The following ZC2HC1B variants were observed in gnomAD, a reference collection of about 807,000 sequenced individuals.
ZC2HC1B encodes the protein zinc finger C2HC domain-containing protein 1B.
In ZC2HC1B, 36 loss-of-function variants were observed where a neutral mutation model predicts 31.0. The observed-to-expected ratio is 1.16, with a 90% CI of 0.89 to 1.54. ZC2HC1B has a LOEUF of 1.54. Ranked by LOEUF, ZC2HC1B falls within the 40% of genes most tolerant of loss-of-function variation. The pLI is 0.00. For synonymous variants in ZC2HC1B, 73 were observed against 88.0 expected (o/e 0.83, Z 0.95); for missense variants, 260 against 268.6 (o/e 0.97, Z 0.22).
chr6:143,900,759 CT>C (rs997720756), intron 5 of ZC2HC1B, among the ~76,000 whole-genome samples: 1 of 152,170 alleles, frequency 6.6e-6, no homozygotes, highest in Non-Finnish European at 1.5e-5. Context: ...GGAAGACAAT[CT>C]CTGTAGATAA....
Position 143,922,676 on chromosome 6 carries a change from T to C in ZC2HC1B, c.599-14973T>C, listed in dbSNP as rs996060507. On this transcript the variant is annotated intron_variant, in intron 6 of 7. Coordinates refer to ENST00000237275, the MANE Select transcript of ZC2HC1B (RefSeq NM_001013623.3). The surrounding 1 kb of genome is among the most constrained non-coding windows in gnomAD (Gnocchi z 5.0). ...CAGGATATCATTCTTTTTTTGTGGC[T>C]GAATAGTATTCCACTGAGTATATAT... Among the ~76,000 whole-genome samples the C allele has an allele frequency of 6.6e-6, 1 of 152,240 alleles. No individual in the cohort carries two copies. The highest frequency in any genetic ancestry group is 2.4e-5 in the African/African-American group (1 of 41,472).
Position 143,922,780 on chromosome 6 carries a change from A to T in ZC2HC1B, c.599-14869A>T, listed in dbSNP as rs1182618520. Among the ~76,000 whole-genome samples the T allele has an allele frequency of 6.6e-6, 1 of 152,046 alleles. No individual in the cohort carries two copies. The highest frequency in any genetic ancestry group is 2.4e-5 in the African/African-American group (1 of 41,398). ...TAATGAACATTTAGATTGATTTCATATGTTGCTATTGTGAATAGTCCTGCC... is the reference window on the plus strand; with the variant it reads ...TAATGAACATTTAGATTGATTTCATTTGTTGCTATTGTGAATAGTCCTGCC... On this transcript the variant is annotated intron_variant, in intron 6 of 7. Transcript: ENST00000237275. The surrounding 1 kb of genome is among the most constrained non-coding windows in gnomAD (Gnocchi z 5.0).
In ZC2HC1B at chr6:143,915,677, G is replaced by A. The variant is rs1025608265; in HGVS notation, c.598+12525G>A. On this transcript the variant is annotated intron_variant, in intron 6 of 7. Coordinates refer to ENST00000237275, the MANE Select transcript of ZC2HC1B (RefSeq NM_001013623.3). The surrounding 1 kb of genome is among the most constrained non-coding windows in gnomAD (Gnocchi z 5.2). The stretch of plus-strand genomic sequence containing the variant: ...GGAGATGAGGAACTTGTTGGGAACT[G>A]GATCAAAGGTTCCTCTTGTTATGTT... Among the ~76,000 whole-genome samples the A allele has an allele frequency of 2.6e-5, 4 of 152,194 alleles. No homozygotes were observed. Among genetic ancestry groups the A allele is most frequent in the Admixed American group, 1.3e-4 (2 of 15,284 alleles).
intron 6 of ZC2HC1B, among the ~76,000 whole-genome samples, chr6:143,932,526 A>G (rs1778132090): frequency 6.6e-6 from 1 of 151,796 alleles, no homozygotes; most frequent in African/African-American, 2.4e-5. Flanking sequence ...TTTCTTTATG[A>G]TATCTGTTTC....
intron 6 of ZC2HC1B, among the ~76,000 whole-genome samples, chr6:143,932,924 A>G (rs779650790): frequency 6.6e-5 from 10 of 152,168 alleles, no homozygotes; most frequent in Non-Finnish European, 1.5e-4. Context: ...TTCTAGGTCT[A>G]GCCACTCAGC....
At chr6:143,893,380 C>G (rs146885216) in intron 4 of ZC2HC1B, among the ~76,000 whole-genome samples, 7,295 of 152,168 alleles carry the variant, frequency 0.048, 262 homozygotes, top group Admixed American at 0.079. Flanking sequence ...GCCCGGCCAA[C>G]ATGGCAAAAC....
chr6:143,888,385 G>A (rs1197264052), intron 4 of ZC2HC1B, among the ~76,000 whole-genome samples: 1 of 152,014 alleles, frequency 6.6e-6, no homozygotes, highest in African/African-American at 2.4e-5. Context: ...AAGGTCCTTT[G>A]AGAGTCCATA....
chr6:143,866,533 ACTGT>A (rs1412682292), intron 1 of ZC2HC1B, among the ~76,000 whole-genome samples: 40 of 152,200 alleles, frequency 2.6e-4, no homozygotes, highest in Admixed American at 2.1e-3. Context: ...TAAGTTGAGG[ACTGT>A]CTGTTACTTT....
At chr6:143,912,443 TTTG>T (rs1317859310) in intron 6 of ZC2HC1B, among the ~76,000 whole-genome samples, 3 of 152,198 alleles carry the variant, frequency 2.0e-5, no homozygotes, top group Admixed American at 1.3e-4. Context: ...TTGGATGGGT[TTTG>T]TTGTTGTTGT....
intron 6 of ZC2HC1B, among the ~76,000 whole-genome samples, chr6:143,907,751 C>G (rs901658540): frequency 6.6e-6 from 1 of 152,160 alleles, no homozygotes; most frequent in African/African-American, 2.4e-5. Flanking sequence ...TTGGTAGTTT[C>G]TTTTGCTGTA....
At position 143,871,219 on chromosome 6, in the gene ZC2HC1B, A is replaced by G. The variant is rs1026583056; in HGVS notation, c.28+6652A>G. ...CACCAATAAGTCCAGTGTGTTTACTACTTCTTGCTCACTGGATCCAGTCAG... is the reference window on the plus strand; with the variant it reads ...CACCAATAAGTCCAGTGTGTTTACTGCTTCTTGCTCACTGGATCCAGTCAG... On this transcript the variant is annotated intron_variant, in intron 1 of 7. Coordinates refer to ENST00000237275, the MANE Select transcript of ZC2HC1B (RefSeq NM_001013623.3). The surrounding 1 kb of genome is among the most constrained non-coding windows in gnomAD (Gnocchi z 4.1). Among the ~76,000 whole-genome samples the G allele has an allele frequency of 6.6e-6, 1 of 152,098 alleles. No individual in the cohort carries two copies. The highest frequency in any genetic ancestry group is 1.5e-5 in the Non-Finnish European group (1 of 68,014).
At position 143,915,442 on chromosome 6, in the gene ZC2HC1B, T is replaced by C. The variant is rs923168336; in HGVS notation, c.598+12290T>C. Among the ~76,000 whole-genome samples, 1 of 152,074 alleles carries C rather than the reference T, an allele frequency of 6.6e-6. No individual in the cohort carries two copies. The highest frequency in any genetic ancestry group is 1.5e-5 in the Non-Finnish European group (1 of 68,008). On this transcript the variant is annotated intron_variant, in intron 6 of 7. Coordinates refer to ENST00000237275, the MANE Select transcript of ZC2HC1B (RefSeq NM_001013623.3). This position sits in a 1 kb window ranked among gnomAD's most constrained non-coding sequence, Gnocchi z 5.2. ...GACGAATACAGTAAATTGGTACCAG[T>C]AGAGTGGGGCGCTGCTGAAAAGATA...
chr6:143,901,070 C>G (rs921409348), intron 5 of ZC2HC1B, among the ~76,000 whole-genome samples: 1 of 151,516 alleles, frequency 6.6e-6, no homozygotes, highest in African/African-American at 2.4e-5. Context: ...AACCCCTGAC[C>G]TCAAGTGATC....
At chr6:143,888,210 A>G (rs559150762) in intron 4 of ZC2HC1B, among the ~76,000 whole-genome samples, 1 of 152,170 alleles carries the variant, frequency 6.6e-6, no homozygotes, top group African/African-American at 2.4e-5. Flanking sequence ...TCACTTGACC[A>G]TATGTTTGAG....
At chr6:143,888,648 G>T (rs887904550) in intron 4 of ZC2HC1B, among the ~76,000 whole-genome samples, 1 of 151,794 alleles carries the variant, frequency 6.6e-6, no homozygotes, top group African/African-American at 2.4e-5. Context: ...TATTCATTTT[G>T]ACATTATTAT....
At chr6:143,867,564 CCT>C (rs2128492796) in intron 1 of ZC2HC1B, among the ~76,000 whole-genome samples, 1 of 152,314 alleles carries the variant, frequency 6.6e-6, no homozygotes, top group Admixed American at 6.5e-5. Context: ...CTCACCCTGA[CCT>C]CTCAAGATCA....
At chr6:143,912,388 A>G (rs1777870920) in intron 6 of ZC2HC1B, among the ~76,000 whole-genome samples, 1 of 152,090 alleles carries the variant, frequency 6.6e-6, no homozygotes, top group South Asian at 2.1e-4. Context: ...CTTCTTTCTC[A>G]TCTTAGTGGG....
At chr6:143,896,307 T>C (rs1777666143) in intron 4 of ZC2HC1B, among the ~76,000 whole-genome samples, 1 of 152,172 alleles carries the variant, frequency 6.6e-6, no homozygotes, top group African/African-American at 2.4e-5. Flanking sequence ...AATGAGCAAG[T>C]GGGATTAAGG....
Position 143,886,605 on chromosome 6 carries a change from C to A in ZC2HC1B, c.211-78C>A. On this transcript the variant is annotated intron_variant, in intron 3 of 7. Coordinates refer to ENST00000237275, the MANE Select transcript of ZC2HC1B (RefSeq NM_001013623.3). The surrounding 1 kb of genome is among the most constrained non-coding windows in gnomAD (Gnocchi z 4.2). ...TTCACAGTTCTGTTTCCTGTGAATT[C>A]AAATTCCAGCTTTAAACAAAATTGT... 7.6e-7 allele frequency: 1 copy of A among 1,322,432 alleles called. No individual in the cohort carries two copies. The highest frequency in any genetic ancestry group is 2.1e-5 in the South Asian group (1 of 48,096). 81.9% of individuals were successfully genotyped at this position (1,322,432 alleles called of 1,614,324 possible). A position where few individuals can be genotyped will look rare whatever the true frequency, so the allele number is the denominator to read the frequency against.
Sources: gnomAD v4.1 joint callset for allele counts (sites outside exome capture counted in the v4.1 genomes callset) on GRCh38, gnomAD v4.1.1 for gene constraint, Gnocchi (gnomAD v3.1) non-coding constraint, MANE v1.5 for transcripts, NCBI Gene and HGNC (gene_info 2026-07-23, HGNC 2026-07-21) for gene names.